The following TNIK variants were observed in gnomAD, a reference collection of about 807,000 sequenced individuals.
TNIK encodes TRAF2 and NCK interacting kinase.
Under a neutral mutation model 191.3 loss-of-function variants are expected in TNIK, and 49 were observed. That is an observed-to-expected ratio of 0.26 (90% CI 0.20 to 0.32). TNIK has a LOEUF of 0.32. Ranked by LOEUF, TNIK falls within the 10% of genes least tolerant of loss-of-function variation. The pLI, the probability that TNIK is intolerant of heterozygous loss-of-function variation, is 1.00. For synonymous variants in TNIK, 594 were observed against 600.9 expected, an observed-to-expected ratio of 0.99 and a Z score of 0.17; for missense variants, 1,155 against 1,702.3, an observed-to-expected ratio of 0.68 and a Z score of 5.66.
At chr3:171,296,866 G>C (rs1752339866) in intron 2 of TNIK, among the ~76,000 whole-genome samples, 1 of 152,206 alleles carries the variant, frequency 6.6e-6, no homozygotes, top group Non-Finnish European at 1.5e-5. Flanking sequence ...GAGATGAATT[G>C]TAGAAAATAT....
intron 11 of TNIK, 42 bp downstream of exon 11, chr3:171,161,228 T>A (rs749101719): frequency 2.5e-6 from 4 of 1,589,090 alleles, no homozygotes; most frequent in Non-Finnish European, 3.4e-6. Flanking sequence ...CAAGCACAAT[T>A]CAGAATGTGA....
At chr3:171,430,904 A>C (rs1725292288) in intron 1 of TNIK, among the ~76,000 whole-genome samples, 1 of 152,130 alleles carries the variant, frequency 6.6e-6, no homozygotes, top group South Asian at 2.1e-4. Context: ...CTAAATAAAA[A>C]TTCCTGCCAA....
intron 24 of TNIK, among the ~76,000 whole-genome samples, chr3:171,085,613 A>C (rs899189894): frequency 9.2e-5 from 14 of 152,192 alleles, no homozygotes; most frequent in Admixed American, 7.9e-4. Flanking sequence ...GCAATAAACT[A>C]AGTAAGGAAG....
chr3:171,132,739 A>C (rs1729476601), intron 15 of TNIK, among the ~76,000 whole-genome samples: 1 of 152,248 alleles, frequency 6.6e-6, no homozygotes, highest in Non-Finnish European at 1.5e-5. Context: ...GTAATTTTAA[A>C]ACTGTTGACA....
chr3:171,460,247 G>GC lies in TNIK; in HGVS notation c.-185_-184insG. 1 of 733,976 alleles carries GC rather than the reference G, an allele frequency of 1.4e-6. No individual in the cohort carries two copies. The highest frequency in any genetic ancestry group is 2.2e-6 in the Non-Finnish European group (1 of 449,858). The allele number at this position is 733,976 out of a possible 1,614,324, so 45.5% of individuals were successfully genotyped here. A position where few individuals can be genotyped will look rare whatever the true frequency, so the allele number is the denominator to read the frequency against. On this transcript the variant is annotated 5_prime_UTR_variant, in exon 1 of 33. Transcript: ENST00000436636. The surrounding 1 kb of genome is among the most constrained non-coding windows in gnomAD (Gnocchi z 6.8). Reference sequence around the variant, plus strand: ...CCGATCCTCCGCGCGTCGGTCCGCCGGGTCCGGGAGCCCAGCCTGCGCGGA... The same window carrying GC: ...CCGATCCTCCGCGCGTCGGTCCGCCGCGGTCCGGGAGCCCAGCCTGCGCGGA...
chr3:171,217,127 A>T (rs1429939246), intron 3 of TNIK, among the ~76,000 whole-genome samples: 1 of 152,164 alleles, frequency 6.6e-6, no homozygotes, highest in Non-Finnish European at 1.5e-5. Flanking sequence ...TATTCACAAT[A>T]GCAAAGACAT....
intron 4 of TNIK, among the ~76,000 whole-genome samples, chr3:171,204,717 T>C (rs1198724396): frequency 6.6e-6 from 1 of 152,216 alleles, no homozygotes; most frequent in Non-Finnish European, 1.5e-5. Context: ...ATTGGGTAAA[T>C]AGAGGAGTAC....
chr3:171,127,719 G>A (rs919770820), intron 16 of TNIK, among the ~76,000 whole-genome samples: 1 of 152,182 alleles, frequency 6.6e-6, no homozygotes, highest in Non-Finnish European at 1.5e-5. Flanking sequence ...CAGCCAAGAG[G>A]AAGATATGCC....
chr3:171,380,027 GCGCACACA>G (rs1408724997), intron 1 of TNIK, among the ~76,000 whole-genome samples: 99 of 147,296 alleles, frequency 6.7e-4, no homozygotes, highest in Admixed American at 1.0e-3. Context: ...ACACACACAC[GCGCACACA>G]CACACACACA....
intron 7 of TNIK, among the ~76,000 whole-genome samples, chr3:171,188,458 A>T (rs115953496): frequency 1.7e-3 from 257 of 152,338 alleles, no homozygotes; most frequent in African/African-American, 6.0e-3. Flanking sequence ...AATTTAAAAA[A>T]ATATAGAAAA....
intron 17 of TNIK, among the ~76,000 whole-genome samples, chr3:171,125,012 A>G (rs1728277577): frequency 6.6e-6 from 1 of 152,154 alleles, no homozygotes; most frequent in African/African-American, 2.4e-5. Flanking sequence ...TTTCAAAATA[A>G]TGGGACTCTT....
intron 3 of TNIK, among the ~76,000 whole-genome samples, chr3:171,212,849 C>T (rs554885369): frequency 4.9e-4 from 75 of 152,244 alleles, no homozygotes; most frequent in African/African-American, 1.7e-3. Context: ...CTGACATTTG[C>T]TGACCATGCT....
chr3:171,353,333 T>C (rs1398990479), intron 2 of TNIK, among the ~76,000 whole-genome samples: 1 of 152,214 alleles, frequency 6.6e-6, no homozygotes, highest in African/African-American at 2.4e-5. Context: ...TTACTGTCAG[T>C]GTGACCTAGG....
intron 2 of TNIK, among the ~76,000 whole-genome samples, chr3:171,365,068 T>C (rs960440742): frequency 1.3e-4 from 19 of 150,492 alleles, no homozygotes; most frequent in Non-Finnish European, 2.7e-4. Flanking sequence ...GAGGCTACAT[T>C]GCCTGGACAA....
intron 2 of TNIK, among the ~76,000 whole-genome samples, chr3:171,268,006 G>C (rs1019912456): frequency 1.1e-4 from 16 of 151,940 alleles, no homozygotes; most frequent in Non-Finnish European, 2.9e-5. Flanking sequence ...AATTCAGCAT[G>C]ACCCTTCCAT....
Position 171,458,905 on chromosome 3 carries a change from T to TG in TNIK, c.57+1101dup, listed in dbSNP as rs575304198. On this transcript the variant is annotated intron_variant, in intron 1 of 32. Transcript: ENST00000436636. ...TGTCCAATCCTTCTCAGACACCCGC[T>TG]GCTGCCACCATCCCCACCCCTCACC... Among the ~76,000 whole-genome samples, 317 of 152,284 alleles carry TG rather than the reference T, an allele frequency of 2.1e-3. 2 individuals are homozygous for TG. The highest frequency in any genetic ancestry group is 7.1e-3 in the African/African-American group (296 of 41,562).
intron 2 of TNIK, among the ~76,000 whole-genome samples, chr3:171,259,582 G>C (rs959741076): frequency 1.3e-5 from 2 of 152,132 alleles, no homozygotes; most frequent in African/African-American, 4.8e-5. Flanking sequence ...CAAATGGAAA[G>C]AAATAACCCA....
chr3:171,227,546 A>T (rs902856347), intron 3 of TNIK, among the ~76,000 whole-genome samples: 5 of 152,266 alleles, frequency 3.3e-5, no homozygotes, highest in South Asian at 2.1e-4. Context: ...GGTTGTGTTT[A>T]TGTAAATTAT....
chr3:171,198,221 C>T (rs1263296527), intron 4 of TNIK, among the ~76,000 whole-genome samples: 4 of 151,398 alleles, frequency 2.6e-5, no homozygotes, highest in African/African-American at 9.7e-5. Flanking sequence ...CGAGATTGCA[C>T]CACTGTGCTC....
Sources: gnomAD v4.1 joint callset for allele counts (sites outside exome capture counted in the v4.1 genomes callset) on GRCh38, gnomAD v4.1.1 for gene constraint, Gnocchi (gnomAD v3.1) non-coding constraint, MANE v1.5 for transcripts, NCBI Gene and HGNC (gene_info 2026-07-23, HGNC 2026-07-21) for gene names.